ARHGEF12: variants seen among roughly 807,000 people sequenced by gnomAD.
ARHGEF12 encodes the protein Rho guanine nucleotide exchange factor 12.
ARHGEF12 carries 66 observed loss-of-function variants against 211.2 expected under a neutral mutation model. The observed-to-expected ratio is 0.31, with a 90% CI of 0.26 to 0.38. The LOEUF is 0.38. ARHGEF12 is among the 10% of genes least tolerant of loss of function. The pLI is 1.00. For missense variants in ARHGEF12, 1,429 were observed against 1,869.5 expected, an observed-to-expected ratio of 0.76 and a Z score of 4.34; for synonymous variants, 592 against 638.4, an observed-to-expected ratio of 0.93 and a Z score of 1.09.
chr11:120,460,571 A>G, intron 26 of ARHGEF12, 101 bp from the exon 27 acceptor site: 1 of 816,914 alleles, frequency 1.2e-6, no homozygotes, highest in Non-Finnish European at 2.0e-6. Context: ...ACTACTGTGA[A>G]AATCGTCTTT....
intron 1 of ARHGEF12, among the ~76,000 whole-genome samples, chr11:120,389,193 T>C (rs1944134308): frequency 6.6e-6 from 1 of 152,214 alleles, no homozygotes; most frequent in Non-Finnish European, 1.5e-5. Flanking sequence ...AGGTATATGA[T>C]TTAGAAATAC....
rs138045287 is a variant in ARHGEF12, at chr11:120,482,225, T to C, written c.4554+649T>C. 3.9e-5 allele frequency among the ~76,000 whole-genome samples: 6 copies of C among 152,324 alleles called. No homozygotes were observed. In the East Asian group the frequency reaches 9.6e-4, roughly 24 times the overall value. On this transcript the variant is annotated intron_variant, in intron 39 of 40. Coordinates refer to ENST00000397843, the MANE Select transcript of ARHGEF12 (RefSeq NM_015313.3). Reference sequence around the variant, plus strand: ...GAGATAGGTAGGGTTTATGTAGTTATGAATCTAGGCTGAGAAATGCTATGA... The same window carrying C: ...GAGATAGGTAGGGTTTATGTAGTTACGAATCTAGGCTGAGAAATGCTATGA...
At chr11:120,416,008 C>T (rs958051217) in intron 4 of ARHGEF12, among the ~76,000 whole-genome samples, 12 of 151,980 alleles carry the variant, frequency 7.9e-5, no homozygotes, top group African/African-American at 2.9e-4. Flanking sequence ...ATTCTTTGTC[C>T]CTCATCTCCT....
rs376980584 is a variant in ARHGEF12, at chr11:120,471,710, G to A, written c.2956-1340G>A. ...TTGAAATGCATCCAAAAAATAAGAT[G>A]GACTGATGGATAGAGGGATGAATAA... On this transcript the variant is annotated intron_variant, in intron 30 of 40. Transcript: ENST00000397843. Among the ~76,000 whole-genome samples, 18 of 152,150 alleles carry A rather than the reference G, an allele frequency of 1.2e-4. No individual in the cohort carries two copies. The South Asian group carries it at 3.5e-3, about 30-fold the overall frequency.
chr11:120,447,314 C>T (rs2135819176), intron 18 of ARHGEF12: 1 of 414,360 alleles, frequency 2.4e-6, no homozygotes, highest in South Asian at 6.3e-5. Flanking sequence ...TCTAAAACTT[C>T]TAATCAGTGA....
Position 120,487,418 on chromosome 11 carries a change from A to G in ARHGEF12, c.*2341A>G, listed in dbSNP as rs900093354. The stretch of plus-strand genomic sequence containing the variant: ...TCTGAAAATATCTCACAATTTTTGA[A>G]TGTTCTTTTTATCTTACCGACCTAA... On this transcript the variant is annotated 3_prime_UTR_variant, in exon 41 of 41. Transcript: ENST00000397843. The G allele has an allele frequency of 2.3e-5, 5 of 217,558 alleles. No individual in the cohort carries two copies. The Admixed American group carries it at 2.9e-4, about 13-fold the overall frequency. 13.5% of individuals were successfully genotyped at this position (217,558 alleles called of 1,614,324 possible).
At chr11:120,439,068 G>T (rs375030266) in intron 12 of ARHGEF12, 1 of 152,012 alleles carries the variant, frequency 6.6e-6, no homozygotes, top group Non-Finnish European at 1.5e-5. Context: ...TCCCAGGCTG[G>T]TTTCAAACTC....
intron 3 of ARHGEF12, 98 bp from the exon 4 acceptor site, chr11:120,409,296 A>G: frequency 8.2e-7 from 1 of 1,225,444 alleles, no homozygotes; most frequent in Non-Finnish European, 1.2e-6. Flanking sequence ...GCACGATTTA[A>G]CTTGATCATG....
At chr11:120,350,324 G>A (rs1485181707) in intron 1 of ARHGEF12, among the ~76,000 whole-genome samples, 1 of 152,108 alleles carries the variant, frequency 6.6e-6, no homozygotes, top group African/African-American at 2.4e-5. Flanking sequence ...GACCATCCTG[G>A]CTAACACGGT....
At position 120,485,143 on chromosome 11, in the gene ARHGEF12, C is replaced by A. The variant is rs565926968; in HGVS notation, c.*66C>A. On this transcript the variant is annotated 3_prime_UTR_variant, in exon 41 of 41. Transcript: ENST00000397843. ...GAGTATCGGCCGTGTCTCACCACAT[C>A]CTGGCTCCAGTGTGGATGCAGAGAG... 1,901 of 1,595,148 alleles carry A rather than the reference C, an allele frequency of 1.2e-3. 32 individuals are homozygous for A. The South Asian group carries it at 0.019, about 16-fold the overall frequency.
At chr11:120,448,622 TTGCC>T (rs531452991) in intron 20 of ARHGEF12, 184 of 421,060 alleles carry the variant, frequency 4.4e-4, no homozygotes, top group African/African-American at 3.6e-3. Context: ...TCCTTTTACT[TTGCC>T]TAAACTAAAT....
At chr11:120,395,109 G>C (rs1332910770) in intron 1 of ARHGEF12, among the ~76,000 whole-genome samples, 1 of 148,990 alleles carries the variant, frequency 6.7e-6, no homozygotes, top group African/African-American at 2.5e-5. Flanking sequence ...ATAGCTTTAT[G>C]GCAATAAATT....
chr11:120,347,400 G>A (rs905427213), intron 1 of ARHGEF12, among the ~76,000 whole-genome samples: 4 of 151,634 alleles, frequency 2.6e-5, no homozygotes, highest in African/African-American at 7.3e-5. Context: ...CTGTTGGAAT[G>A]ATGCCAGTTG....
At chr11:120,421,758 T>C in intron 5 of ARHGEF12, 45 bp from the exon 6 acceptor site, 1 of 1,560,966 alleles carries the variant, frequency 6.4e-7, no homozygotes, top group Non-Finnish European at 8.8e-7. Context: ...AGATGATCAG[T>C]AAATGCAAAT....
At chr11:120,422,844 G>A (rs978163903) in intron 6 of ARHGEF12, among the ~76,000 whole-genome samples, 4 of 152,102 alleles carry the variant, frequency 2.6e-5, no homozygotes, top group Non-Finnish European at 5.9e-5. Context: ...ACCTACCAGT[G>A]GAACACAACA....
intron 1 of ARHGEF12, among the ~76,000 whole-genome samples, chr11:120,380,039 T>G (rs115531914): frequency 6.6e-6 from 1 of 152,232 alleles, no homozygotes; most frequent in Admixed American, 6.5e-5. Flanking sequence ...TCTCTTCCTT[T>G]AAATGCTTGT....
At chr11:120,435,516 T>G (rs1459160789) in intron 11 of ARHGEF12, among the ~76,000 whole-genome samples, 2 of 146,652 alleles carry the variant, frequency 1.4e-5, no homozygotes, top group Non-Finnish European at 3.0e-5. Context: ...GTCAAGCTTT[T>G]TTTTTTTTTT....
At chr11:120,476,996 C>G in intron 34 of ARHGEF12, 1 of 592,666 alleles carries the variant, frequency 1.7e-6, no homozygotes, top group Non-Finnish European at 2.9e-6. Flanking sequence ...TTTAATGTGT[C>G]CATAGATTTC....
Position 120,347,155 on chromosome 11 carries a change from C to CTTTCTTT in ARHGEF12, c.32+9880_32+9881insTTTCTTT, listed in dbSNP as rs1165675932. 1.0e-3 allele frequency among the ~76,000 whole-genome samples: 72 copies of CTTTCTTT among 69,214 alleles called. 1 individual carries two copies. The highest frequency in any genetic ancestry group is 4.1e-3 in the African/African-American group (64 of 15,430). The allele number at this position is 69,214 out of a possible 152,430, so 45.4% of individuals were successfully genotyped here. A position where few individuals can be genotyped will look rare whatever the true frequency, so the allele number is the denominator to read the frequency against. ...TCTTTCCTTCCTTCCTTCCTTCCTT[C>CTTTCTTT]CTTCCTTCCTTCCTTCCTTCCTTCC... On this transcript the variant is annotated intron_variant, in intron 1 of 40. Coordinates refer to ENST00000397843, the MANE Select transcript of ARHGEF12 (RefSeq NM_015313.3).
Sources: gnomAD v4.1 joint callset for allele counts (sites outside exome capture counted in the v4.1 genomes callset) on GRCh38, gnomAD v4.1.1 for gene constraint, MANE v1.5 for transcripts, NCBI Gene and HGNC (gene_info 2026-07-23, HGNC 2026-07-21) for gene names.